The following SCAPER variants were observed in gnomAD, a reference collection of about 807,000 sequenced individuals.
SCAPER encodes S phase cyclin A-associated protein in the endoplasmic reticulum.
A neutral mutation model predicts 182.2 loss-of-function variants in SCAPER; 98 were observed. That is an observed-to-expected ratio of 0.54 (90% confidence interval 0.46 to 0.64). SCAPER has a LOEUF of 0.64. Ranked by LOEUF, SCAPER falls within the 30% of genes least tolerant of loss-of-function variation. SCAPER has a pLI of 0.00. For missense variants in SCAPER, 1,432 were observed against 1,690.0 expected (o/e 0.85, Z 2.68); for synonymous variants, 605 against 564.6 (o/e 1.07, Z -1.01).
chr15:76,452,344 C>T (rs2048425005), intron 25 of SCAPER, among the ~76,000 whole-genome samples: 1 of 152,194 alleles, frequency 6.6e-6, no homozygotes, highest in South Asian at 2.1e-4. Context: ...ACACAAGATA[C>T]CTGGGATACT....
Position 76,883,963 on chromosome 15 carries a change from A to C in SCAPER, c.-59-87T>G, listed in dbSNP as rs532116339. 1.8e-5 allele frequency: 12 copies of C among 652,772 alleles called. No homozygotes were observed. The East Asian group carries it at 4.0e-4, about 22-fold the overall frequency. 40.4% of individuals were successfully genotyped at this position (652,772 alleles called of 1,614,324 possible). ...AAAAAGATACAAATCTCATCCCCAC[A>C]CTTACATTAAACAACAACAAAAAAA... On this transcript the variant is annotated intron_variant, in intron 1 of 31. Coordinates refer to ENST00000563290, the MANE Select transcript of SCAPER (RefSeq NM_020843.4).
At chr15:76,423,714 G>A (rs1399219227) in intron 26 of SCAPER, among the ~76,000 whole-genome samples, 1 of 151,966 alleles carries the variant, frequency 6.6e-6, no homozygotes, top group Non-Finnish European at 1.5e-5. Context: ...GTGATGTTAG[G>A]GTGTCAATTT....
In SCAPER at chr15:76,504,878, C is replaced by T; in HGVS notation, c.2935G>A (p.Val979Ile). The T allele has an allele frequency of 6.2e-7, 1 of 1,608,940 alleles. No homozygotes were observed. Among genetic ancestry groups the T allele is most frequent in the Non-Finnish European group, 8.5e-7 (1 of 1,178,324 alleles). Residue 979 changes from valine (V) to isoleucine (I), a missense_variant, in exon 24 of 32, where the codon GTT becomes ATT. By Grantham distance (29) the Val-to-Ile change is conservative (BLOSUM62 3). Transcript: ENST00000563290. ...ACTTACTTAGGAGGAATTCTTAAAA[C>T]TGTGTTCACATTTGTGGCTGGGACT... ...AVVPATNVNT[V>I]LRIPPKSLCN...
chr15:76,713,308 T>C (rs559326253), intron 17 of SCAPER, among the ~76,000 whole-genome samples: 61 of 152,184 alleles, frequency 4.0e-4, no homozygotes, highest in African/African-American at 1.4e-3. Context: ...TAAATCATGC[T>C]GCTATAAAGA....
intron 23 of SCAPER, among the ~76,000 whole-genome samples, chr15:76,547,007 C>T (rs2045354912): frequency 6.6e-6 from 1 of 152,120 alleles, no homozygotes; most frequent in African/African-American, 2.4e-5. Flanking sequence ...TGATGCAACA[C>T]ACATCCTTGT....
intron 29 of SCAPER, among the ~76,000 whole-genome samples, chr15:76,357,142 T>C: frequency 1.2e-5 from 1 of 82,948 alleles, no homozygotes; most frequent in Non-Finnish European, 2.7e-5. Flanking sequence ...GTAACCTTTT[T>C]ATTGACATCA....
At chr15:76,686,559 A>G (rs892704832) in intron 20 of SCAPER, among the ~76,000 whole-genome samples, 3 of 152,110 alleles carry the variant, frequency 2.0e-5, no homozygotes, top group African/African-American at 7.2e-5. Flanking sequence ...CCTTAGGTAT[A>G]TACCCAAGGA....
chr15:76,658,498 T>C (rs1307391414), intron 21 of SCAPER, among the ~76,000 whole-genome samples: 1 of 152,180 alleles, frequency 6.6e-6, no homozygotes, highest in African/African-American at 2.4e-5. Context: ...AAGCAATTTA[T>C]AGATTCAATT....
At position 76,602,345 on chromosome 15, in the gene SCAPER, G is replaced by A. The variant is rs954127423; in HGVS notation, c.2711+19419C>T. Among the ~76,000 whole-genome samples, 3 of 120,944 alleles carry A rather than the reference G, an allele frequency of 2.5e-5. 1 individual carries two copies. Among genetic ancestry groups the A allele is most frequent in the African/African-American group, 5.0e-5 (2 of 39,696 alleles). 79.3% of individuals were successfully genotyped at this position (120,944 alleles called of 152,430 possible). On this transcript the variant is annotated intron_variant, in intron 22 of 31. Coordinates refer to ENST00000563290, the MANE Select transcript of SCAPER (RefSeq NM_020843.4). ...CCCTCAATTTAGTTTATCTGAAAAA[G>A]TTTTTATTTCTTCATTTTTGAAGTA...
In SCAPER at chr15:76,440,907, G is replaced by GTTTTTTTTTT. The variant is rs1225009824; in HGVS notation, c.3079-6607_3079-6598dup. On this transcript the variant is annotated intron_variant, in intron 25 of 31. Transcript: ENST00000563290. ...ATCTTTTAAAATTATTCCCCTTCTGGTTTTTTTTTTGTTTTTTTTTTTTTT... is the reference window on the plus strand; with the variant it reads ...ATCTTTTAAAATTATTCCCCTTCTGGTTTTTTTTTTTTTTTTTTTTGTTTTTTTTTTTTTT... 1.3e-4 allele frequency among the ~76,000 whole-genome samples: 11 copies of GTTTTTTTTTT among 82,850 alleles called. 3 individuals are homozygous for GTTTTTTTTTT. The highest frequency in any genetic ancestry group is 2.2e-4 in the African/African-American group (5 of 22,874). The allele number at this position is 82,850 out of a possible 152,430, so 54.4% of individuals were successfully genotyped here.
intron 5 of SCAPER, among the ~76,000 whole-genome samples, chr15:76,816,922 G>C (rs2067134056): frequency 1.3e-5 from 2 of 152,128 alleles, no homozygotes; most frequent in African/African-American, 4.8e-5. Flanking sequence ...AAAGTGCTGG[G>C]ATTACAGGCG....
chr15:76,351,268 A>G lies in SCAPER; in HGVS notation c.4068T>C (p.Gly1356=). ...TFIQDLAQTP[G]QAENQPYQPK... ...GTTGGTAAGGCTGGTTTTCCGCTTGACCTGGAGTCTGTGCCAAATCCTGTA... is the reference window on the plus strand; with the variant it reads ...GTTGGTAAGGCTGGTTTTCCGCTTGGCCTGGAGTCTGTGCCAAATCCTGTA... The change falls in exon 31 of 32, where the codon GGT becomes GGC. Residue 1356 remains glycine, a synonymous_variant. Transcript: ENST00000563290. 11 of 1,610,258 alleles carry G rather than the reference A, an allele frequency of 6.8e-6. No individual in the cohort carries two copies. Among genetic ancestry groups the G allele is most frequent in the Non-Finnish European group, 9.3e-6 (11 of 1,178,144 alleles).
chr15:76,516,858 A>G (rs2042466114), intron 23 of SCAPER, among the ~76,000 whole-genome samples: 1 of 152,168 alleles, frequency 6.6e-6, no homozygotes, highest in South Asian at 2.1e-4. Context: ...TCAAATTACC[A>G]TCTTGGAGGG....
intron 8 of SCAPER, among the ~76,000 whole-genome samples, chr15:76,776,463 T>C (rs937791748): frequency 6.6e-6 from 1 of 152,056 alleles, no homozygotes; most frequent in African/African-American, 2.4e-5. Flanking sequence ...CAAAGTCTCC[T>C]CTCACTAGCT....
intron 27 of SCAPER, 70 bp downstream of exon 27, chr15:76,404,454 C>T: frequency 1.4e-6 from 2 of 1,481,042 alleles, no homozygotes; most frequent in East Asian, 4.8e-5. Context: ...ATGAAATGAC[C>T]CTAGAATGGG....
At chr15:76,823,838 A>G (rs76157278) in intron 5 of SCAPER, among the ~76,000 whole-genome samples, 234 of 152,218 alleles carry the variant, frequency 1.5e-3, no homozygotes, top group African/African-American at 5.5e-3. Flanking sequence ...TAAATCACCT[A>G]CATTAAGGTA....
At chr15:76,820,224 C>T (rs1000478266) in intron 5 of SCAPER, among the ~76,000 whole-genome samples, 9 of 152,058 alleles carry the variant, frequency 5.9e-5, no homozygotes, top group Non-Finnish European at 1.0e-4. Flanking sequence ...TTTGACCCAG[C>T]CATCCCATTA....
At chr15:76,575,889 C>T (rs183086170) in intron 22 of SCAPER, among the ~76,000 whole-genome samples, 2 of 152,340 alleles carry the variant, frequency 1.3e-5, no homozygotes, top group Non-Finnish European at 2.9e-5. Context: ...AACATGGTGG[C>T]TAGAAGCTAT....
At chr15:76,353,641 T>C (rs1311477751) in intron 30 of SCAPER, among the ~76,000 whole-genome samples, 1 of 152,234 alleles carries the variant, frequency 6.6e-6, no homozygotes, top group Non-Finnish European at 1.5e-5. Context: ...AATACAATAG[T>C]TAAAGCCTTA....
Sources: gnomAD v4.1 joint callset for allele counts (sites outside exome capture counted in the v4.1 genomes callset) on GRCh38, gnomAD v4.1.1 for gene constraint, MANE v1.5 for transcripts, NCBI Gene and HGNC (gene_info 2026-07-23, HGNC 2026-07-21) for gene names.